DCC: variants seen among roughly 807,000 people sequenced by gnomAD.
The protein encoded by DCC is DCC netrin 1 receptor.
Under a neutral mutation model 172.5 loss-of-function variants are expected in DCC, and 58 were observed. The ratio of observed to expected loss-of-function variants is 0.34; its 90% CI spans 0.27 to 0.42. DCC has a LOEUF of 0.42. Among genes scored for constraint, DCC ranks in the 10% least tolerant of loss-of-function variants. The pLI, the probability that DCC is intolerant of heterozygous loss-of-function variation, is 1.00. For missense variants in DCC, 1,740 were observed against 1,791.0 expected (o/e 0.97, Z 0.51); for synonymous variants, 709 against 644.5 (o/e 1.10, Z -1.52).
rs71175567 is a variant in DCC at position 53,204,549 on chromosome 18, GAA to G, written c.1574-653_1574-652del. Among the ~76,000 whole-genome samples the G allele has an allele frequency of 1.1e-3, 158 of 140,216 alleles. 1 individual carries two copies. Among genetic ancestry groups the G allele is most frequent in the South Asian group, 1.4e-3 (6 of 4,168 alleles). 92.0% of individuals were successfully genotyped at this position (140,216 alleles called of 152,430 possible). A position where few individuals can be genotyped will look rare whatever the true frequency, so the allele number is the denominator to read the frequency against. On this transcript the variant is annotated intron_variant, in intron 9 of 28. Coordinates refer to ENST00000442544, the MANE Select transcript of DCC (RefSeq NM_005215.4). ...GAAACAGAGCAAGACTCTGTTTCTG[GAA>G]AAAAAAAAAAAAAGTGTTTTAGGTA...
intron 5 of DCC, among the ~76,000 whole-genome samples, chr18:53,009,954 G>A (rs2041705133): frequency 6.6e-6 from 1 of 151,892 alleles, no homozygotes; most frequent in African/African-American, 2.4e-5. Context: ...CGATGAAGCA[G>A]CAGGAGTAAC....
chr18:52,748,153 C>G (rs1293801282), intron 1 of DCC, among the ~76,000 whole-genome samples: 2 of 152,224 alleles, frequency 1.3e-5, no homozygotes, highest in African/African-American at 2.4e-5. Context: ...GGTGCGCCAG[C>G]TGCTGCAGTG....
At chr18:52,504,542 T>C (rs1144049) in intron 1 of DCC, among the ~76,000 whole-genome samples, 52,723 of 152,064 alleles carry the variant, frequency 0.35, 9,900 homozygotes, top group Non-Finnish European at 0.44. Flanking sequence ...CTGTGGGGTC[T>C]TTCCTTAGAG....
chr18:52,811,953 TAAGC>T (rs1271054533), intron 2 of DCC, among the ~76,000 whole-genome samples: 1 of 152,186 alleles, frequency 6.6e-6, no homozygotes, highest in African/African-American at 2.4e-5. Flanking sequence ...TTTTGAAAAA[TAAGC>T]AAAGCCAAAT....
chr18:53,318,752 G>GGTTTTTTTTTTTTT lies in DCC; in HGVS notation c.2054-3295_2054-3294insGTTTTTTTTTTTTT, dbSNP rs1555651814. Among the ~76,000 whole-genome samples, 10 of 132,160 alleles carry GGTTTTTTTTTTTTT rather than the reference G, an allele frequency of 7.6e-5. 4 individuals carry two copies. Among genetic ancestry groups the GGTTTTTTTTTTTTT allele is most frequent in the Non-Finnish European group, 7.8e-5 (5 of 63,704 alleles). 86.7% of individuals were successfully genotyped at this position (132,160 alleles called of 152,430 possible). On this transcript the variant is annotated intron_variant, in intron 13 of 28. Coordinates refer to ENST00000442544, the MANE Select transcript of DCC (RefSeq NM_005215.4). ...ATTATATAATGCCCTTCTTCGTTGG[G>GGTTTTTTTTTTTTT]TTTTTTTTTTTTTTTTTTTGTGATC...
chr18:53,321,391 A>G (rs762112735), intron 13 of DCC, among the ~76,000 whole-genome samples: 214 of 152,264 alleles, frequency 1.4e-3, no homozygotes, highest in Middle Eastern at 6.8e-3. Flanking sequence ...AAAAATTTTC[A>G]TATATCAGAT....
At chr18:53,409,319 G>A (rs543141866) in intron 19 of DCC, among the ~76,000 whole-genome samples, 4 of 152,236 alleles carry the variant, frequency 2.6e-5, no homozygotes, top group South Asian at 4.1e-4. Context: ...AGTCCAGCTG[G>A]GACAAGAGGG....
chr18:52,613,499 C>T (rs1466870542), intron 1 of DCC, among the ~76,000 whole-genome samples: 7 of 152,174 alleles, frequency 4.6e-5, no homozygotes, highest in African/African-American at 1.7e-4. Flanking sequence ...TTGTGATCCG[C>T]CCGCCTCTGC....
chr18:52,610,420 GA>G lies in DCC; in HGVS notation c.92-141623del, dbSNP rs1215482455. Among the ~76,000 whole-genome samples, 412 of 97,918 alleles carry G rather than the reference GA, an allele frequency of 4.2e-3. 2 individuals carry two copies. Among genetic ancestry groups the G allele is most frequent in the African/African-American group, 0.013 (330 of 25,812 alleles). The allele number at this position is 97,918 out of a possible 152,430, so 64.2% of individuals were successfully genotyped here. A position where few individuals can be genotyped will look rare whatever the true frequency, so the allele number is the denominator to read the frequency against. ...AAAAAAAAAAAAAGAAAAAGAAAAA[GA>G]AAAAAAAAAACACCTAAAATACCTT... On this transcript the variant is annotated intron_variant, in intron 1 of 28. Transcript: ENST00000442544.
chr18:53,115,045 T>A (rs1333364714), intron 7 of DCC, among the ~76,000 whole-genome samples: 1 of 151,588 alleles, frequency 6.6e-6, no homozygotes, highest in Admixed American at 6.6e-5. Flanking sequence ...CAAGAAGGCC[T>A]TCCAATTTTC....
At chr18:52,896,852 G>A (rs1323760168) in intron 2 of DCC, among the ~76,000 whole-genome samples, 1 of 138,510 alleles carries the variant, frequency 7.2e-6, no homozygotes, top group Non-Finnish European at 1.6e-5. Flanking sequence ...AAGCTGGGTA[G>A]GGGCTGAAAT....
chr18:53,440,028 G>A (rs896108868), intron 22 of DCC, among the ~76,000 whole-genome samples: 16 of 151,992 alleles, frequency 1.1e-4, no homozygotes, highest in African/African-American at 3.4e-4. Context: ...GCCTCCCAAA[G>A]TGCTGGGATT....
Position 52,906,182 on chromosome 18 carries a change from C to T in DCC, c.551C>T (p.Pro184Leu), listed in dbSNP as rs771695804. The change falls in exon 3 of 29, where the codon CCA (proline) becomes CTA (leucine). Residue 184 changes from proline to leucine, a missense_variant. Pro to Leu is a moderately conservative substitution (Grantham distance 98). Transcript: ENST00000442544. ...QKNQQDLTPI[P>L]GDSRVVVLPS... Reference sequence around the variant, plus strand: ...AACCAACAAGACCTGACTCCAATCCCAGGTGACTCCCGAGTGGTGGTCTTG... The same window carrying T: ...AACCAACAAGACCTGACTCCAATCCTAGGTGACTCCCGAGTGGTGGTCTTG... The T allele has an allele frequency of 6.2e-6, 10 of 1,614,130 alleles. No individual in the cohort carries two copies. Among genetic ancestry groups the T allele is most frequent in the Non-Finnish European group, 8.5e-6 (10 of 1,180,024 alleles).
At chr18:53,276,336 T>C (rs2056806688) in intron 12 of DCC, among the ~76,000 whole-genome samples, 1 of 152,184 alleles carries the variant, frequency 6.6e-6, no homozygotes, top group African/African-American at 2.4e-5. Context: ...ATGTCACCTT[T>C]CTTTTTTCCT....
intron 9 of DCC, among the ~76,000 whole-genome samples, chr18:53,203,449 T>A (rs769165302): frequency 2.6e-5 from 4 of 152,116 alleles, no homozygotes; most frequent in Middle Eastern, 6.8e-3. Context: ...AAATACAGTG[T>A]TAAGAACAAG....
chr18:52,997,254 A>G (rs1320595025), intron 5 of DCC, among the ~76,000 whole-genome samples: 2 of 152,138 alleles, frequency 1.3e-5, no homozygotes, highest in Admixed American at 6.6e-5. Flanking sequence ...ACAGATATCT[A>G]CAAGCCTCCA....
intron 5 of DCC, among the ~76,000 whole-genome samples, chr18:52,945,040 C>T (rs1185365675): frequency 6.6e-6 from 1 of 152,102 alleles, no homozygotes; most frequent in Admixed American, 6.6e-5. Flanking sequence ...AATTTCTGCA[C>T]AATATGGGAT....
chr18:52,456,448 T>A (rs1988459324), intron 1 of DCC, among the ~76,000 whole-genome samples: 1 of 152,168 alleles, frequency 6.6e-6, no homozygotes, highest in Non-Finnish European at 1.5e-5. Context: ...ATTTAAGATA[T>A]AGTAAAGGTT....
At chr18:53,168,442 A>G (rs956740830) in intron 8 of DCC, among the ~76,000 whole-genome samples, 2 of 151,990 alleles carry the variant, frequency 1.3e-5, no homozygotes, top group Non-Finnish European at 2.9e-5. Context: ...GGAAACCATC[A>G]TTCTCAGCAA....
Sources: allele counts gnomAD v4.1 joint callset (sites outside exome capture counted in the v4.1 genomes callset), GRCh38; gene constraint gnomAD v4.1.1; transcripts MANE v1.5; gene names NCBI Gene and HGNC (gene_info 2026-07-23, HGNC 2026-07-21).